Variants in DSCAML1 observed in about 807,000 individuals in gnomAD.
DSCAML1 encodes DS cell adhesion molecule like 1.
In DSCAML1, 38 loss-of-function variants were observed where a neutral mutation model predicts 200.5. The ratio of observed to expected loss-of-function variants is 0.19; its 90% confidence interval spans 0.15 to 0.25. The LOEUF (loss-of-function observed/expected upper bound fraction) is 0.25. DSCAML1 is among the 10% of genes least tolerant of loss of function. DSCAML1 has a pLI of 1.00. For synonymous variants in DSCAML1, 1,215 were observed against 1,165.0 expected, an observed-to-expected ratio of 1.04 and a Z score of -0.87; for missense variants, 2,223 against 2,858.8, an observed-to-expected ratio of 0.78 and a Z score of 5.07.
intron 3 of DSCAML1, among the ~76,000 whole-genome samples, chr11:117,677,516 C>G (rs555053422): frequency 2.5e-4 from 38 of 151,358 alleles, no homozygotes; most frequent in Middle Eastern, 3.4e-3. Flanking sequence ...AGTCCTGGGG[C>G]GGGAGAATGA....
intron 3 of DSCAML1, among the ~76,000 whole-genome samples, chr11:117,557,121 G>A (rs1375288068): frequency 6.6e-6 from 1 of 152,182 alleles, no homozygotes; most frequent in Non-Finnish European, 1.5e-5. Flanking sequence ...TGGTGATGCT[G>A]AAGGAATTTA....
intron 3 of DSCAML1, among the ~76,000 whole-genome samples, chr11:117,743,850 A>G (rs1042753958): frequency 2.6e-5 from 4 of 152,196 alleles, no homozygotes; most frequent in Non-Finnish European, 5.9e-5. Context: ...TCCCGCCGCC[A>G]TGGGGAGAAG....
At chr11:117,571,443 C>T (rs1208820366) in intron 3 of DSCAML1, among the ~76,000 whole-genome samples, 1 of 152,184 alleles carries the variant, frequency 6.6e-6, no homozygotes, top group Non-Finnish European at 1.5e-5. Context: ...GGAGCCCACT[C>T]TCTGGACTCT....
chr11:117,594,694 G>A (rs1015518118), intron 3 of DSCAML1, among the ~76,000 whole-genome samples: 3 of 151,878 alleles, frequency 2.0e-5, no homozygotes, highest in South Asian at 2.1e-4. Flanking sequence ...TCTTCTCTCC[G>A]TGGCCAGGCT....
intron 3 of DSCAML1, among the ~76,000 whole-genome samples, chr11:117,741,718 C>T (rs1024865745): frequency 2.0e-5 from 3 of 152,210 alleles, no homozygotes; most frequent in Non-Finnish European, 4.4e-5. Context: ...AAAGCATGTC[C>T]AGCTTCCCTC....
intron 19 of DSCAML1, 59 bp downstream of exon 19, chr11:117,458,695 G>C: frequency 6.3e-7 from 1 of 1,587,626 alleles, no homozygotes; most frequent in Non-Finnish European, 8.5e-7. Context: ...CTGGGGTGGG[G>C]CTGGGGGTTA....
At chr11:117,761,697 CCT>C (rs889032239) in intron 3 of DSCAML1, among the ~76,000 whole-genome samples, 1 of 152,088 alleles carries the variant, frequency 6.6e-6, no homozygotes, top group African/African-American at 2.4e-5. Flanking sequence ...ATAGTGAGAT[CCT>C]GTCTCTACAA....
chr11:117,674,313 G>A (rs2053168174), intron 3 of DSCAML1, among the ~76,000 whole-genome samples: 1 of 152,134 alleles, frequency 6.6e-6, no homozygotes, highest in Admixed American at 6.5e-5. Flanking sequence ...GGGATCCTAG[G>A]TGGACACTGG....
intron 16 of DSCAML1, among the ~76,000 whole-genome samples, chr11:117,467,895 AT>A (rs1316516221): frequency 6.6e-6 from 1 of 152,144 alleles, no homozygotes; most frequent in Non-Finnish European, 1.5e-5. Context: ...ATTGAACATC[AT>A]TATACTATGC....
intron 3 of DSCAML1, among the ~76,000 whole-genome samples, chr11:117,653,978 A>G (rs1445355871): frequency 6.6e-6 from 1 of 152,188 alleles, no homozygotes; most frequent in Non-Finnish European, 1.5e-5. Context: ...GTGAGCTACG[A>G]TTATGCCACT....
At chr11:117,809,944 TACACACATTC>T (rs1565295644) in intron 1 of DSCAML1, among the ~76,000 whole-genome samples, 1 of 144,526 alleles carries the variant, frequency 6.9e-6, no homozygotes, top group African/African-American at 2.6e-5. Flanking sequence ...CATATTCACA[TACACACATTC>T]ACACACTCAC....
At chr11:117,685,461 T>A (rs972827348) in intron 3 of DSCAML1, among the ~76,000 whole-genome samples, 11 of 152,146 alleles carry the variant, frequency 7.2e-5, no homozygotes, top group African/African-American at 2.7e-4. Flanking sequence ...GGGCAGGGCA[T>A]GCACAGTTGG....
chr11:117,686,468 C>A (rs1050996463), intron 3 of DSCAML1, among the ~76,000 whole-genome samples: 2 of 152,232 alleles, frequency 1.3e-5, no homozygotes, highest in African/African-American at 2.4e-5. Context: ...CTTCGCACTG[C>A]GGGTCCACAG....
At chr11:117,814,125 T>C (rs1184300286) in intron 1 of DSCAML1, among the ~76,000 whole-genome samples, 1 of 149,056 alleles carries the variant, frequency 6.7e-6, no homozygotes, top group African/African-American at 2.5e-5. Context: ...GAGCACCTTG[T>C]GACCCCCCTT....
chr11:117,682,983 A>C (rs894889096), intron 3 of DSCAML1, among the ~76,000 whole-genome samples: 1 of 152,080 alleles, frequency 6.6e-6, no homozygotes, highest in African/African-American at 2.4e-5. Flanking sequence ...TTTACACCAT[A>C]ATGTCCCTCT....
chr11:117,552,947 T>C (rs1390326855), intron 3 of DSCAML1, among the ~76,000 whole-genome samples: 2 of 152,140 alleles, frequency 1.3e-5, no homozygotes, highest in East Asian at 3.9e-4. Context: ...GGGAAGTGCG[T>C]GGTTGGGAAG....
chr11:117,547,621 C>T (rs2050399739), intron 3 of DSCAML1, among the ~76,000 whole-genome samples: 1 of 152,190 alleles, frequency 6.6e-6, no homozygotes, highest in Non-Finnish European at 1.5e-5. Context: ...CTGCTCCCTG[C>T]TCAACCTTCC....
intron 1 of DSCAML1, among the ~76,000 whole-genome samples, chr11:117,813,052 C>T (rs2134091229): frequency 6.6e-6 from 1 of 152,144 alleles, no homozygotes; most frequent in Non-Finnish European, 1.5e-5. Context: ...GATAACAGAC[C>T]AGCCTTTATT....
At chr11:117,653,416 G>A (rs1484219771) in intron 3 of DSCAML1, among the ~76,000 whole-genome samples, 2 of 152,140 alleles carry the variant, frequency 1.3e-5, no homozygotes. Flanking sequence ...AGAAGCCTGG[G>A]GACAGTGGTC....
Sources: gnomAD v4.1 joint callset for allele counts (sites outside exome capture counted in the v4.1 genomes callset) on GRCh38, gnomAD v4.1.1 for gene constraint, MANE v1.5 for transcripts, NCBI Gene and HGNC (gene_info 2026-07-23, HGNC 2026-07-21) for gene names.